PTPRN2: variants seen among roughly 807,000 people sequenced by gnomAD.
PTPRN2 encodes receptor-type tyrosine-protein phosphatase N2.
Under a neutral mutation model 118.8 loss-of-function variants are expected in PTPRN2, and 74 were observed. The observed-to-expected ratio is 0.62, with a 90% CI of 0.52 to 0.76. PTPRN2 has a LOEUF of 0.76. PTPRN2 is among the 30% of genes least tolerant of loss of function. PTPRN2 has a pLI of 0.00. For missense variants in PTPRN2, 1,481 were observed against 1,394.4 expected (o/e 1.06, Z -0.99); for synonymous variants, 641 against 608.0 (o/e 1.05, Z -0.80).
intron 22 of PTPRN2, among the ~76,000 whole-genome samples, chr7:157,543,330 G>A (rs926727048): frequency 2.6e-5 from 4 of 152,238 alleles, no homozygotes; most frequent in African/African-American, 9.6e-5. Context: ...AAGATCCCAC[G>A]GCTTCTTCCA....
chr7:158,536,906 CG>C (rs1825681631), intron 1 of PTPRN2, among the ~76,000 whole-genome samples: 1 of 152,206 alleles, frequency 6.6e-6, no homozygotes, highest in Admixed American at 6.5e-5. Flanking sequence ...CAGTAGGACA[CG>C]GGTGGAGACA....
At chr7:157,895,670 C>A (rs919514267) in intron 12 of PTPRN2, among the ~76,000 whole-genome samples, 1 of 152,082 alleles carries the variant, frequency 6.6e-6, no homozygotes, top group Non-Finnish European at 1.5e-5. Flanking sequence ...AATAATCTGT[C>A]GTGTAGCATC....
intron 2 of PTPRN2, among the ~76,000 whole-genome samples, chr7:158,421,549 C>T (rs543051594): frequency 4.3e-4 from 66 of 152,264 alleles, no homozygotes; most frequent in Non-Finnish European, 7.8e-4. Context: ...AAGAAAGAAA[C>T]GCAGCAGATG....
At chr7:158,145,806 T>C (rs73745150) in intron 6 of PTPRN2, among the ~76,000 whole-genome samples, 1 of 152,200 alleles carries the variant, frequency 6.6e-6, no homozygotes, top group South Asian at 2.1e-4. Context: ...TCATCCATCC[T>C]TGTGCTGCCC....
intron 2 of PTPRN2, among the ~76,000 whole-genome samples, chr7:158,377,088 G>A: frequency 1.6e-5 from 1 of 64,218 alleles, no homozygotes; most frequent in African/African-American, 6.9e-5. Flanking sequence ...CTCCCCCACA[G>A]CCCTGTCACA....
At chr7:158,057,139 A>G (rs967889486) in intron 11 of PTPRN2, among the ~76,000 whole-genome samples, 1 of 152,220 alleles carries the variant, frequency 6.6e-6, no homozygotes, top group South Asian at 2.1e-4. Context: ...TCTATCATCA[A>G]TCCTCTGCAA....
chr7:158,563,840 T>C lies in PTPRN2; in HGVS notation c.112+23718A>G, dbSNP rs1248013824. On this transcript the variant is annotated intron_variant, in intron 1 of 22. Coordinates refer to ENST00000389418, the MANE Select transcript of PTPRN2 (RefSeq NM_002847.5). The surrounding 1 kb of genome is among the most constrained non-coding windows in gnomAD (Gnocchi z 5.1). Reference sequence around the variant, plus strand: ...TTTTTAGGGAATGGTCTTTTCTGTTTATAGGATCTATGCATAGCATATATT... The same window carrying C: ...TTTTTAGGGAATGGTCTTTTCTGTTCATAGGATCTATGCATAGCATATATT... Among the ~76,000 whole-genome samples, 1 of 152,238 alleles carries C rather than the reference T, an allele frequency of 6.6e-6. No individual in the cohort carries two copies. The highest frequency in any genetic ancestry group is 6.5e-5 in the Admixed American group (1 of 15,278).
chr7:158,249,279 CCATA>C (rs1796497626), intron 3 of PTPRN2, among the ~76,000 whole-genome samples: 2 of 150,492 alleles, frequency 1.3e-5, no homozygotes, highest in South Asian at 4.2e-4. Flanking sequence ...CACATGCACA[CCATA>C]CACACATGCA....
chr7:158,327,066 T>TACATGCACACATTCTC (rs1314240022), intron 2 of PTPRN2, among the ~76,000 whole-genome samples: 1 of 143,820 alleles, frequency 7.0e-6, no homozygotes, highest in Non-Finnish European at 1.5e-5. Context: ...CATCTGCACA[T>TACATGCACACATTCTC]ACATGCACAC....
At chr7:157,865,396 G>T (rs908679228) in intron 12 of PTPRN2, 2 of 152,206 alleles carry the variant, frequency 1.3e-5, no homozygotes, top group African/African-American at 4.8e-5. Context: ...ATTAGTCAGG[G>T]GTCCTGGAGG....
intron 12 of PTPRN2, among the ~76,000 whole-genome samples, chr7:157,798,834 G>A (rs917369222): frequency 1.3e-5 from 2 of 151,930 alleles, no homozygotes; most frequent in African/African-American, 4.8e-5. Flanking sequence ...GGGTGGGGTG[G>A]GGCAGGGTGG....
chr7:158,057,224 T>G (rs1485045326), intron 11 of PTPRN2, among the ~76,000 whole-genome samples: 1 of 152,196 alleles, frequency 6.6e-6, no homozygotes, highest in Non-Finnish European at 1.5e-5. Context: ...TATTGACACC[T>G]GCCCAGCACA....
chr7:158,065,265 C>A (rs1214109342), intron 11 of PTPRN2, among the ~76,000 whole-genome samples: 1 of 152,200 alleles, frequency 6.6e-6, no homozygotes, highest in Non-Finnish European at 1.5e-5. Flanking sequence ...AGAGACTTGG[C>A]GGAGCCTCCT....
intron 2 of PTPRN2, among the ~76,000 whole-genome samples, chr7:158,318,072 G>T (rs897325683): frequency 6.6e-6 from 1 of 152,130 alleles, no homozygotes; most frequent in Non-Finnish European, 1.5e-5. Flanking sequence ...GCCGCCTCCT[G>T]TCCGAGAGCC....
At chr7:157,736,489 A>C (rs955903340) in intron 12 of PTPRN2, among the ~76,000 whole-genome samples, 2 of 152,202 alleles carry the variant, frequency 1.3e-5, no homozygotes, top group African/African-American at 2.4e-5. Context: ...GTGTGAGGAC[A>C]TGGGGAGAAG....
chr7:158,587,640 C>G lies in PTPRN2; in HGVS notation c.30G>C (p.Leu10=), dbSNP rs1226544031. ...CGCGTGGCGGCAGCAGCAGCAGTAG[C>G]AGCAGCAGCAGCGGGAGCGGCGGCC... is the stretch of plus-strand genomic sequence containing the variant. The part of the protein sequence containing the change: MGPPLPLLL[L]LLLLLPPRVL... The change falls in exon 1 of 23, where the codon CTG becomes CTC. Residue 10 remains leucine, a synonymous_variant. Transcript: ENST00000389418. 5.2e-6 allele frequency: 7 copies of G among 1,342,334 alleles called. No individual in the cohort carries two copies. Among genetic ancestry groups the G allele is most frequent in the African/African-American group, 1.5e-5 (1 of 64,952 alleles). 83.2% of individuals were successfully genotyped at this position (1,342,334 alleles called of 1,614,324 possible). A position where few individuals can be genotyped will look rare whatever the true frequency, so the allele number is the denominator to read the frequency against.
chr7:158,476,957 C>A (rs1270838420), intron 2 of PTPRN2, among the ~76,000 whole-genome samples: 1 of 152,240 alleles, frequency 6.6e-6, no homozygotes, highest in Non-Finnish European at 1.5e-5. Context: ...TAACTCACCT[C>A]AAGTCACTAA....
chr7:157,772,736 G>A (rs1048935497), intron 12 of PTPRN2, among the ~76,000 whole-genome samples: 2 of 152,222 alleles, frequency 1.3e-5, no homozygotes, highest in Non-Finnish European at 2.9e-5. Context: ...GGACCCCTGT[G>A]GGGGGTGGGA....
intron 11 of PTPRN2, among the ~76,000 whole-genome samples, chr7:157,976,320 C>CAG (rs1802742436): frequency 6.6e-6 from 1 of 152,230 alleles, no homozygotes; most frequent in African/African-American, 2.4e-5. Context: ...TGAGACCCAG[C>CAG]GGCTCCTCTG....
Sources: gnomAD v4.1 joint callset for allele counts (sites outside exome capture counted in the v4.1 genomes callset) on GRCh38, gnomAD v4.1.1 for gene constraint, Gnocchi (gnomAD v3.1) non-coding constraint, MANE v1.5 for transcripts, NCBI Gene and HGNC (gene_info 2026-07-23, HGNC 2026-07-21) for gene names.